The following MICU1 variants were observed in gnomAD, a reference collection of about 807,000 sequenced individuals.
MICU1 encodes mitochondrial calcium uptake 1.
In MICU1, 45 loss-of-function variants were observed where a neutral mutation model predicts 56.8. The ratio of observed to expected loss-of-function variants is 0.79; its 90% CI spans 0.62 to 1.02. The LOEUF (loss-of-function observed/expected upper bound fraction) is 1.02, where lower values mean the gene tolerates loss of function less well. Among genes scored for constraint, MICU1 ranks in the 50% least tolerant of loss-of-function variants. The pLI is 0.00. For synonymous variants in MICU1, 186 were observed against 195.1 expected (o/e 0.95, Z 0.39); for missense variants, 504 against 587.1 (o/e 0.86, Z 1.46).
intron 9 of MICU1, among the ~76,000 whole-genome samples, chr10:72,409,857 A>ACAC (rs920385534): frequency 3.3e-5 from 5 of 152,202 alleles, no homozygotes; most frequent in African/African-American, 1.2e-4. Context: ...TGCAAAGTGA[A>ACAC]CACCCACAGA....
At chr10:72,528,643 C>T (rs1378442992) in intron 5 of MICU1, 3 of 164,746 alleles carry the variant, frequency 1.8e-5, no homozygotes, top group Middle Eastern at 5.1e-4. Flanking sequence ...ACTTTTAGTA[C>T]CCTATGTCGT....
chr10:72,512,683 TTTTTGTTTTG>T lies in MICU1; in HGVS notation c.538-4424_538-4415del, dbSNP rs139345007. On this transcript the variant is annotated intron_variant, in intron 5 of 11. Transcript: ENST00000361114. ...TCATATGGCAGCTCTATGTTTTTGG[TTTTTGTTTTG>T]TTTTGTTTTGTTTTGTTTTGTTTTG... Among the ~76,000 whole-genome samples the T allele has an allele frequency of 1.2e-3, 171 of 148,062 alleles. 2 individuals are homozygous for T. The highest frequency in any genetic ancestry group is 6.4e-3 in the East Asian group (33 of 5,126).
intron 3 of MICU1, among the ~76,000 whole-genome samples, chr10:72,556,768 C>T (rs1437201158): frequency 6.6e-6 from 1 of 151,570 alleles, no homozygotes; most frequent in Non-Finnish European, 1.5e-5. Flanking sequence ...CATATTTTGC[C>T]CATGTTGAAA....
At chr10:72,452,093 C>G (rs962398144) in intron 8 of MICU1, among the ~76,000 whole-genome samples, 1 of 152,128 alleles carries the variant, frequency 6.6e-6, no homozygotes, top group Non-Finnish European at 1.5e-5. Context: ...GTCTTGAACT[C>G]CTGACCTCAG....
chr10:72,456,416 G>C (rs1244923919), intron 8 of MICU1, among the ~76,000 whole-genome samples: 1 of 152,184 alleles, frequency 6.6e-6, no homozygotes, highest in Non-Finnish European at 1.5e-5. Flanking sequence ...GATTATACAA[G>C]ACAGTGTGGA....
chr10:72,447,532 C>G (rs1354028222), intron 8 of MICU1, among the ~76,000 whole-genome samples: 1 of 151,752 alleles, frequency 6.6e-6, no homozygotes, highest in Non-Finnish European at 1.5e-5. Context: ...AAAAGAAAAC[C>G]TAGGTAAGCA....
intron 10 of MICU1, among the ~76,000 whole-genome samples, chr10:72,384,423 T>A (rs1438676794): frequency 6.6e-6 from 1 of 150,798 alleles, no homozygotes; most frequent in East Asian, 1.9e-4. Context: ...GTAATCATTC[T>A]TTTTCTGATC....
At chr10:72,506,575 T>G (rs1287937255) in intron 6 of MICU1, among the ~76,000 whole-genome samples, 2 of 152,160 alleles carry the variant, frequency 1.3e-5, no homozygotes, top group Non-Finnish European at 2.9e-5. Context: ...AGACACAAAG[T>G]AACATGTTGT....
intron 1 of MICU1, among the ~76,000 whole-genome samples, chr10:72,598,223 T>C (rs557019446): frequency 5.7e-4 from 87 of 151,960 alleles, no homozygotes; most frequent in Non-Finnish European, 1.0e-3. Flanking sequence ...GTAAGAGAGG[T>C]AGAGGAGCTA....
chr10:72,493,972 C>A (rs1433298252), intron 6 of MICU1, among the ~76,000 whole-genome samples: 11 of 152,104 alleles, frequency 7.2e-5, no homozygotes, highest in Admixed American at 1.3e-4. Flanking sequence ...TTAATCCTGG[C>A]ATACAAATGG....
chr10:72,550,498 G>A (rs952674276), intron 4 of MICU1, among the ~76,000 whole-genome samples: 2 of 152,044 alleles, frequency 1.3e-5, no homozygotes, highest in African/African-American at 4.8e-5. Context: ...TGTTATTTGT[G>A]GTTATGTTCT....
chr10:72,387,522 G>A (rs962447059), intron 10 of MICU1, among the ~76,000 whole-genome samples: 29 of 152,156 alleles, frequency 1.9e-4, no homozygotes, highest in African/African-American at 6.8e-4. Flanking sequence ...CTTGAATGCT[G>A]AAGATATGAG....
rs753421882 is a variant in MICU1, at chr10:72,541,155, CAAGAGCCCGGGAAT to C, written c.494-7380_494-7367del. ...CTAGCTGTCCTTACTCATTCCCGGG[CAAGAGCCCGGGAAT>C]TGGAGGAATTTAGACTATAGTTTAA... On this transcript the variant is annotated intron_variant, in intron 4 of 11. Transcript: ENST00000361114. 5.9e-5 allele frequency among the ~76,000 whole-genome samples: 9 copies of C among 152,340 alleles called. No homozygotes were observed. The South Asian group carries it at 1.9e-3, about 32-fold the overall frequency.
At chr10:72,576,225 C>CAAAAAAAAAAAAAAAA (rs34829939) in intron 1 of MICU1, among the ~76,000 whole-genome samples, 5 of 68,170 alleles carry the variant, frequency 7.3e-5, no homozygotes, top group Admixed American at 2.0e-4. Flanking sequence ...AAAAAAACAC[C>CAAAAAAAAAAAAAAAA]AAAAAAAAAA....
intron 6 of MICU1, among the ~76,000 whole-genome samples, chr10:72,478,508 G>A (rs1486821203): frequency 6.6e-6 from 1 of 152,084 alleles, no homozygotes; most frequent in Non-Finnish European, 1.5e-5. Flanking sequence ...TATTCTATGT[G>A]TCCTTATACT....
intron 1 of MICU1, among the ~76,000 whole-genome samples, chr10:72,569,226 TATATATATA>T (rs1402334916): frequency 3.8e-4 from 20 of 53,052 alleles, no homozygotes; most frequent in Middle Eastern, 7.2e-3. Flanking sequence ...TATATATATA[TATATATATA>T]TATTTTTTTT....
chr10:72,368,483 T>G, intron 11 of MICU1, 128 bp from the exon 12 acceptor site: 1 of 1,002,918 alleles, frequency 1.0e-6, no homozygotes, highest in Non-Finnish European at 1.5e-6. Context: ...CTCAATTCTC[T>G]TATCCTAGAA....
At chr10:72,560,340 G>A (rs540073414) in intron 3 of MICU1, 24 of 152,202 alleles carry the variant, frequency 1.6e-4, no homozygotes, top group African/African-American at 5.5e-4. Flanking sequence ...AGAGGGCTAA[G>A]GGAAGAACAT....
intron 1 of MICU1, among the ~76,000 whole-genome samples, chr10:72,576,876 A>G (rs1840760916): frequency 6.6e-6 from 1 of 152,232 alleles, no homozygotes; most frequent in African/African-American, 2.4e-5. Context: ...CTTAGGATCC[A>G]TAAGAATTAT....
Sources: gnomAD v4.1 joint callset for allele counts (sites outside exome capture counted in the v4.1 genomes callset) on GRCh38, gnomAD v4.1.1 for gene constraint, MANE v1.5 for transcripts, NCBI Gene and HGNC (gene_info 2026-07-23, HGNC 2026-07-21) for gene names.